Variants in PLAAT3 observed in about 807,000 individuals in gnomAD.
The protein encoded by PLAAT3 is phospholipase A and acyltransferase 3.
Under a neutral mutation model 16.7 loss-of-function variants are expected in PLAAT3, and 21 were observed. That is an observed-to-expected ratio of 1.26 (90% CI 0.89 to 1.81). The LOEUF is 1.81. Ranked by LOEUF, PLAAT3 falls within the 40% of genes most tolerant of loss-of-function variation. The probability of loss-of-function intolerance (pLI) is 0.00; values close to 1 mark genes in which losing one functional copy is unlikely to be tolerated. For synonymous variants in PLAAT3, 76 were observed against 81.7 expected (o/e 0.93, Z 0.38); for missense variants, 219 against 213.7 (o/e 1.02, Z -0.16).
chr11:63,582,124 T>A (rs917731503), intron 4 of PLAAT3, among the ~76,000 whole-genome samples: 1 of 152,216 alleles, frequency 6.6e-6, no homozygotes, highest in Non-Finnish European at 1.5e-5. Context: ...GCATTGTGAC[T>A]CCAGAGCCTA....
At chr11:63,592,909 A>G (rs1938188552) in intron 3 of PLAAT3, among the ~76,000 whole-genome samples, 1 of 152,194 alleles carries the variant, frequency 6.6e-6, no homozygotes, top group Non-Finnish European at 1.5e-5. Flanking sequence ...TGCCTCATCT[A>G]TCCCACATGA....
At chr11:63,609,367 G>A (rs1283641888) in intron 2 of PLAAT3, among the ~76,000 whole-genome samples, 3 of 152,218 alleles carry the variant, frequency 2.0e-5, no homozygotes, top group African/African-American at 7.2e-5. Flanking sequence ...TGCATTCCCA[G>A]AAACAGGGCC....
intron 3 of PLAAT3, among the ~76,000 whole-genome samples, chr11:63,597,218 G>T (rs969629923): frequency 6.6e-6 from 1 of 151,928 alleles, no homozygotes; most frequent in African/African-American, 2.4e-5. Context: ...GCAGAACTGT[G>T]AGTCAATTAA....
chr11:63,582,532 G>A (rs1937848097), intron 4 of PLAAT3, among the ~76,000 whole-genome samples: 1 of 152,164 alleles, frequency 6.6e-6, no homozygotes, highest in Non-Finnish European at 1.5e-5. Flanking sequence ...GCAATGAAAG[G>A]AAGTAATAAT....
chr11:63,608,070 T>C (rs1312381326), intron 2 of PLAAT3, among the ~76,000 whole-genome samples: 2 of 152,204 alleles, frequency 1.3e-5, no homozygotes, highest in East Asian at 3.9e-4. Flanking sequence ...TAGTCCCAGC[T>C]ACTCGGGAGG....
intron 4 of PLAAT3, among the ~76,000 whole-genome samples, chr11:63,585,266 G>A (rs1396787169): frequency 6.6e-6 from 1 of 151,720 alleles, no homozygotes; most frequent in Non-Finnish European, 1.5e-5. Flanking sequence ...CTCATGATCT[G>A]CCCGCCTCGG....
chr11:63,591,542 TGG>T (rs1383327072), intron 3 of PLAAT3, among the ~76,000 whole-genome samples: 1 of 152,132 alleles, frequency 6.6e-6, no homozygotes, highest in Non-Finnish European at 1.5e-5. Flanking sequence ...CCTGTTAAAC[TGG>T]GTAGGACCAG....
intron 2 of PLAAT3, among the ~76,000 whole-genome samples, chr11:63,613,591 C>G (rs1299920600): frequency 6.6e-6 from 1 of 152,228 alleles, no homozygotes; most frequent in African/African-American, 2.4e-5. Context: ...GGGGCAGTCG[C>G]CAAGCACAGT....
At chr11:63,578,712 A>C (rs574628107) in intron 4 of PLAAT3, among the ~76,000 whole-genome samples, 3 of 151,946 alleles carry the variant, frequency 2.0e-5, no homozygotes, top group African/African-American at 7.2e-5. Flanking sequence ...ACCTTATACA[A>C]AAATTAATTC....
intron 2 of PLAAT3, among the ~76,000 whole-genome samples, chr11:63,599,808 A>G (rs1432616516): frequency 6.6e-6 from 1 of 152,074 alleles, no homozygotes; most frequent in Non-Finnish European, 1.5e-5. Context: ...ACAGACAAGG[A>G]CATAAAGACT....
chr11:63,585,585 A>G (rs1265662285), intron 4 of PLAAT3, among the ~76,000 whole-genome samples: 1 of 151,904 alleles, frequency 6.6e-6, no homozygotes, highest in Non-Finnish European at 1.5e-5. Context: ...AGGCTGAGAA[A>G]CCCCTATCCT....
At chr11:63,591,064 C>T (rs779142506) in intron 3 of PLAAT3, among the ~76,000 whole-genome samples, 6 of 152,136 alleles carry the variant, frequency 3.9e-5, no homozygotes, top group Non-Finnish European at 5.9e-5. Flanking sequence ...CAGGGAGAGG[C>T]AGGCACTGAG....
intron 3 of PLAAT3, among the ~76,000 whole-genome samples, chr11:63,596,698 T>C (rs993972571): frequency 7.2e-5 from 11 of 151,922 alleles, no homozygotes; most frequent in African/African-American, 2.4e-4. Flanking sequence ...GTAATCCCCA[T>C]GTGTCAGGGG....
At position 63,607,508 on chromosome 11, in the gene PLAAT3, T is replaced by A. The variant is rs971051220; in HGVS notation, c.15+6492A>T. On this transcript the variant is annotated intron_variant, in intron 2 of 4. Transcript: ENST00000415826. ...GACCCCATCTCTAAAATTTAAAAAATAATAATAATAATAATAAAGAAAAGA... is the reference window on the plus strand; with the variant it reads ...GACCCCATCTCTAAAATTTAAAAAAAAATAATAATAATAATAAAGAAAAGA... 1.7e-4 allele frequency among the ~76,000 whole-genome samples: 26 copies of A among 151,302 alleles called. No homozygotes were observed. The East Asian group carries it at 2.2e-3, about 13-fold the overall frequency.
chr11:63,614,191 C>A, intron 1 of PLAAT3, 123 bp from the exon 2 acceptor site: 2 of 765,220 alleles, frequency 2.6e-6, no homozygotes, highest in East Asian at 2.9e-5. Context: ...GGAACAACCA[C>A]CTCGCTCCCT....
chr11:63,591,936 C>G (rs1484819258), intron 3 of PLAAT3, among the ~76,000 whole-genome samples: 4 of 152,248 alleles, frequency 2.6e-5, no homozygotes, highest in African/African-American at 9.6e-5. Flanking sequence ...CATGCAAGTG[C>G]AGAGTCAACA....
chr11:63,590,252 T>C lies in PLAAT3; in HGVS notation c.235A>G (p.Lys79Glu). 1 of 1,614,236 alleles carries C rather than the reference T, an allele frequency of 6.2e-7. No homozygotes were observed. Among genetic ancestry groups the C allele is most frequent in the Non-Finnish European group, 8.5e-7 (1 of 1,180,030 alleles). ...AGSDKYQVNN[K>E]HDDKYSPLPC... Reference sequence around the variant, plus strand: ...AGCGGCGAGTACTTGTCATCATGTTTGTTGTTGACCTGGTACTTGTCACTC... The same window carrying C: ...AGCGGCGAGTACTTGTCATCATGTTCGTTGTTGACCTGGTACTTGTCACTC... The change falls in exon 4 of 5, where the codon AAA becomes GAA. Residue 79 changes from lysine to glutamate, a missense_variant. Transcript: ENST00000415826.
chr11:63,614,994 A>G (rs1938795498), upstream of PLAAT3, among the ~76,000 whole-genome samples: 1 of 141,180 alleles, frequency 7.1e-6, no homozygotes, highest in Non-Finnish European at 1.5e-5. Flanking sequence ...TAGCCTGTGC[A>G]ACAAAGCGAA....
At chr11:63,599,999 A>T (rs1254754527) in intron 2 of PLAAT3, among the ~76,000 whole-genome samples, 4 of 152,058 alleles carry the variant, frequency 2.6e-5, no homozygotes, top group African/African-American at 9.7e-5. Flanking sequence ...TTTTCTTTTT[A>T]AGACAGGATC....
Sources: allele counts gnomAD v4.1 joint callset (sites outside exome capture counted in the v4.1 genomes callset), GRCh38; gene constraint gnomAD v4.1.1; transcripts MANE v1.5; gene names NCBI Gene and HGNC (gene_info 2026-07-23, HGNC 2026-07-21).